RAMP3: variants seen among roughly 807,000 people sequenced by gnomAD.
The protein encoded by RAMP3 is receptor activity-modifying protein 3.
In RAMP3, 14 loss-of-function variants were observed where a neutral mutation model predicts 13.5. The ratio of observed to expected loss-of-function variants is 1.04; its 90% CI spans 0.69 to 1.63. RAMP3 has a LOEUF of 1.63. Ranked by LOEUF, RAMP3 falls within the 40% of genes most tolerant of loss-of-function variation. The pLI is 0.00. For synonymous variants in RAMP3, 106 were observed against 88.3 expected (o/e 1.20, Z -1.12); for missense variants, 200 against 204.8 (o/e 0.98, Z 0.14).
chr7:45,178,814 T>C (rs922754330), intron 2 of RAMP3, among the ~76,000 whole-genome samples: 4 of 152,136 alleles, frequency 2.6e-5, no homozygotes, highest in African/African-American at 9.7e-5. Context: ...CAGCCGTGGA[T>C]TGGGAGGACA....
At chr7:45,174,086 A>T (rs1786132446) in intron 1 of RAMP3, among the ~76,000 whole-genome samples, 1 of 152,046 alleles carries the variant, frequency 6.6e-6, no homozygotes. Context: ...AGCAGACAGG[A>T]TGGGGAGCAC....
At position 45,158,398 on chromosome 7, in the gene RAMP3, G is replaced by T. The variant is rs1033866073; in HGVS notation, c.58+512G>T. ...TGTGTGGACGCCTGTGTGTGTCCTGGAACTGGCTGAGAGGGGAAGCGGGGC... is the reference window on the plus strand; with the variant it reads ...TGTGTGGACGCCTGTGTGTGTCCTGTAACTGGCTGAGAGGGGAAGCGGGGC... On this transcript the variant is annotated intron_variant, in intron 1 of 2. Coordinates refer to ENST00000242249, the MANE Select transcript of RAMP3 (RefSeq NM_005856.3). Among the ~76,000 whole-genome samples, 4 of 152,208 alleles carry T rather than the reference G, an allele frequency of 2.6e-5. No individual in the cohort carries two copies. In the East Asian group the frequency reaches 7.7e-4, roughly 29 times the overall value.
intron 1 of RAMP3, among the ~76,000 whole-genome samples, chr7:45,177,023 T>C (rs969009464): frequency 3.9e-5 from 6 of 152,224 alleles, no homozygotes; most frequent in African/African-American, 1.2e-4. Flanking sequence ...CCCAAGGAGT[T>C]TGGCCCAGGG....
intron 1 of RAMP3, among the ~76,000 whole-genome samples, chr7:45,171,355 C>T (rs6956641): frequency 0.26 from 39,200 of 151,824 alleles, 6,049 homozygotes; most frequent in African/African-American, 0.43. Flanking sequence ...GGGGTTTTGC[C>T]ATGTTGTCCA....
chr7:45,165,131 T>C (rs987961494), intron 1 of RAMP3, among the ~76,000 whole-genome samples: 1 of 152,178 alleles, frequency 6.6e-6, no homozygotes, highest in African/African-American at 2.4e-5. Flanking sequence ...TTCTTTTTTT[T>C]GTTTTGTTAC....
intron 1 of RAMP3, among the ~76,000 whole-genome samples, chr7:45,159,770 G>C (rs762455037): frequency 7.2e-5 from 11 of 152,204 alleles, no homozygotes; most frequent in Non-Finnish European, 1.5e-4. Flanking sequence ...TGGGATTGTG[G>C]GGTGGAAGGG....
intron 1 of RAMP3, among the ~76,000 whole-genome samples, chr7:45,162,976 A>G (rs2128655273): frequency 6.6e-6 from 1 of 152,322 alleles, no homozygotes; most frequent in African/African-American, 2.4e-5. Flanking sequence ...TTTGGCCTCC[A>G]AGCCTGCTGG....
chr7:45,176,945 T>C (rs1030249531), intron 1 of RAMP3, among the ~76,000 whole-genome samples: 1 of 152,198 alleles, frequency 6.6e-6, no homozygotes, highest in Non-Finnish European at 1.5e-5. Flanking sequence ...CCCAGGCCCC[T>C]GGGACTCCTA....
At chr7:45,176,950 C>T (rs1786199717) in intron 1 of RAMP3, among the ~76,000 whole-genome samples, 1 of 152,208 alleles carries the variant, frequency 6.6e-6, no homozygotes, top group African/African-American at 2.4e-5. Flanking sequence ...GCCCCTGGGA[C>T]TCCTAAGCTG....
At chr7:45,171,073 T>C (rs1786072042) in intron 1 of RAMP3, among the ~76,000 whole-genome samples, 1 of 152,214 alleles carries the variant, frequency 6.6e-6, no homozygotes, top group Non-Finnish European at 1.5e-5. Context: ...AAATTTTCTT[T>C]GGCCTATTGG....
At chr7:45,167,925 T>C (rs1029933592) in intron 1 of RAMP3, among the ~76,000 whole-genome samples, 1 of 152,094 alleles carries the variant, frequency 6.6e-6, no homozygotes, top group African/African-American at 2.4e-5. Context: ...CTATTTTGTG[T>C]CCCTCGCTTT....
intron 1 of RAMP3, 55 bp from the exon 2 acceptor site, chr7:45,177,254 C>A (rs1323644728): frequency 4.4e-6 from 7 of 1,608,916 alleles, no homozygotes; most frequent in Non-Finnish European, 5.1e-6. Flanking sequence ...CCTCCCCTGT[C>A]CTGGCATCCC....
intron 2 of RAMP3, among the ~76,000 whole-genome samples, chr7:45,182,283 G>C (rs1476434540): frequency 1.3e-5 from 2 of 152,210 alleles, no homozygotes; most frequent in Admixed American, 1.3e-4. Flanking sequence ...GTGGCATCTG[G>C]GCAGGAGTCC....
Position 45,179,043 on chromosome 7 carries a change from C to T in RAMP3, c.191+1602C>T, listed in dbSNP as rs533724490. Among the ~76,000 whole-genome samples, 21 of 152,330 alleles carry T rather than the reference C, an allele frequency of 1.4e-4. No individual in the cohort carries two copies. The South Asian group carries it at 2.9e-3, about 21-fold the overall frequency. On this transcript the variant is annotated intron_variant, in intron 2 of 2. Transcript: ENST00000242249. ...AAGCAGTGAGGTGTCCAGAGCCCTC[C>T]TCCACCCCAGCTGGACACTGGAGGT...
intron 1 of RAMP3, among the ~76,000 whole-genome samples, chr7:45,158,662 AG>A (rs1785809155): frequency 5.8e-5 from 8 of 136,880 alleles, no homozygotes; most frequent in Non-Finnish European, 6.2e-5. Context: ...GAGCCTGGCC[AG>A]TTCTGGGGGG....
At chr7:45,179,426 C>T (rs984376710) in intron 2 of RAMP3, among the ~76,000 whole-genome samples, 15 of 152,046 alleles carry the variant, frequency 9.9e-5, no homozygotes, top group African/African-American at 3.4e-4. Context: ...GGACAGAGAC[C>T]AGAGAGATGG....
chr7:45,160,492 G>A (rs1408969122), intron 1 of RAMP3, among the ~76,000 whole-genome samples: 1 of 151,928 alleles, frequency 6.6e-6, no homozygotes, highest in African/African-American at 2.4e-5. Context: ...AAATCTGGAG[G>A]TTAGAGAGGA....
At chr7:45,176,762 A>T (rs539037260) in intron 1 of RAMP3, among the ~76,000 whole-genome samples, 18 of 152,060 alleles carry the variant, frequency 1.2e-4, no homozygotes, top group African/African-American at 4.3e-4. Flanking sequence ...AGTCCAAAGG[A>T]CTCATTCCCA....
intron 1 of RAMP3, among the ~76,000 whole-genome samples, chr7:45,172,987 C>T (rs7795875): frequency 0.26 from 39,928 of 152,024 alleles, 6,371 homozygotes; most frequent in African/African-American, 0.44. Flanking sequence ...CCTACTTGGC[C>T]GAGGGTGAAG....
Sources: gnomAD v4.1 joint callset for allele counts (sites outside exome capture counted in the v4.1 genomes callset) on GRCh38, gnomAD v4.1.1 for gene constraint, MANE v1.5 for transcripts, NCBI Gene and HGNC (gene_info 2026-07-23, HGNC 2026-07-21) for gene names.